The following PRDM16 variants were observed in gnomAD, a reference collection of about 807,000 sequenced individuals.
The protein encoded by PRDM16 is histone-lysine N-methyltransferase PRDM16.
Under a neutral mutation model 110.6 loss-of-function variants are expected in PRDM16, and 23 were observed. The observed-to-expected ratio is 0.21, with a 90% CI of 0.15 to 0.29. The LOEUF (loss-of-function observed/expected upper bound fraction) is 0.29, where lower values mean the gene tolerates loss of function less well. PRDM16 is among the 10% of genes least tolerant of loss of function. The pLI, the probability that PRDM16 is intolerant of heterozygous loss-of-function variation, is 1.00. For synonymous variants in PRDM16, 799 were observed against 781.8 expected (o/e 1.02, Z -0.37); for missense variants, 1,615 against 1,794.3 (o/e 0.90, Z 1.81).
chr1:3,392,872 C>T (rs1363566755), intron 4 of PRDM16, among the ~76,000 whole-genome samples: 3 of 152,130 alleles, frequency 2.0e-5, no homozygotes, highest in East Asian at 1.9e-4. Flanking sequence ...TACAAGAAGC[C>T]GCCTCTTTGT....
At chr1:3,173,715 C>T (rs919650344) in intron 1 of PRDM16, among the ~76,000 whole-genome samples, 3 of 152,230 alleles carry the variant, frequency 2.0e-5, no homozygotes, top group African/African-American at 4.8e-5. Context: ...TGCTTCTCTC[C>T]GAGCTTCAGG....
chr1:3,187,886 G>A (rs533176504), intron 2 of PRDM16, among the ~76,000 whole-genome samples: 28 of 152,322 alleles, frequency 1.8e-4, no homozygotes, highest in African/African-American at 6.5e-4. Context: ...GTCTGCGGCC[G>A]TCAAGCAGGG....
At chr1:3,424,395 C>T (rs923689106) in intron 12 of PRDM16, among the ~76,000 whole-genome samples, 6 of 152,242 alleles carry the variant, frequency 3.9e-5, no homozygotes, top group African/African-American at 1.4e-4. Flanking sequence ...ACCCTCCACA[C>T]GCAGCCCTCC....
intron 3 of PRDM16, among the ~76,000 whole-genome samples, chr1:3,276,300 G>A (rs1294041679): frequency 1.3e-5 from 2 of 152,222 alleles, no homozygotes; most frequent in East Asian, 1.9e-4. Context: ...TTGGGCCCGC[G>A]GTGGGAGTCC....
At chr1:3,200,621 C>T (rs1019856684) in intron 2 of PRDM16, among the ~76,000 whole-genome samples, 2 of 152,238 alleles carry the variant, frequency 1.3e-5, no homozygotes, top group African/African-American at 2.4e-5. Flanking sequence ...GGATTACAGG[C>T]GTGAGCCACC....
chr1:3,290,366 C>T lies in PRDM16; in HGVS notation c.438+46229C>T, dbSNP rs1640945770. Among the ~76,000 whole-genome samples the T allele has an allele frequency of 1.3e-5, 2 of 152,146 alleles. No homozygotes were observed. The highest frequency in any genetic ancestry group is 1.5e-5 in the Non-Finnish European group (1 of 68,028). On this transcript the variant is annotated intron_variant, in intron 3 of 16. Coordinates refer to ENST00000270722, the MANE Select transcript of PRDM16 (RefSeq NM_022114.4). The surrounding 1 kb of genome is among the most constrained non-coding windows in gnomAD (Gnocchi z 4.8). Reference sequence around the variant, plus strand: ...TGGAAGAGGAGAGCCTCTCAGTATCCCCACCTTATAGATGAGGAGGCACAG... The same window carrying T: ...TGGAAGAGGAGAGCCTCTCAGTATCTCCACCTTATAGATGAGGAGGCACAG...
rs535279771 is a variant in PRDM16 at position 3,143,477 on chromosome 1, T to C, written c.38-42648T>C. Among the ~76,000 whole-genome samples, 1 of 152,138 alleles carries C rather than the reference T, an allele frequency of 6.6e-6. No homozygotes were observed. The highest frequency in any genetic ancestry group is 1.5e-5 in the Non-Finnish European group (1 of 68,032). On this transcript the variant is annotated intron_variant, in intron 1 of 16. Transcript: ENST00000270722. The surrounding 1 kb of genome is among the most constrained non-coding windows in gnomAD (Gnocchi z 4.5). ...GACATTTGAAACTTTATTATTAGTA[T>C]TATTATTATCATTTTTGTGAGATGG... is the stretch of plus-strand genomic sequence containing the variant.
At chr1:3,362,769 TC>T (rs1470290546) in intron 3 of PRDM16, among the ~76,000 whole-genome samples, 1 of 151,294 alleles carries the variant, frequency 6.6e-6, no homozygotes, top group Non-Finnish European at 1.5e-5. Flanking sequence ...GATCCTAAAA[TC>T]CCCCCCGTGG....
intron 2 of PRDM16, among the ~76,000 whole-genome samples, chr1:3,202,328 T>A (rs989921092): frequency 6.9e-6 from 1 of 145,268 alleles, no homozygotes; most frequent in Non-Finnish European, 1.5e-5. Context: ...AGCAGGTGCA[T>A]CCTTCATGCT....
chr1:3,099,785 C>A (rs1642490117), intron 1 of PRDM16, among the ~76,000 whole-genome samples: 9 of 152,310 alleles, frequency 5.9e-5, no homozygotes, highest in Admixed American at 5.9e-4. Flanking sequence ...AGAAAACACT[C>A]CCAGCGTCCC....
intron 2 of PRDM16, among the ~76,000 whole-genome samples, chr1:3,195,772 G>C (rs1222139840): frequency 6.6e-6 from 1 of 152,204 alleles, no homozygotes; most frequent in Non-Finnish European, 1.5e-5. Context: ...GTCCCCCAAG[G>C]CTCCCTGTGA....
In PRDM16 at chr1:3,133,423, A is replaced by C. The variant is rs1174030310; in HGVS notation, c.38-52702A>C. 2.6e-5 allele frequency: 4 copies of C among 152,580 alleles called. No homozygotes were observed. In the East Asian group the frequency reaches 7.7e-4, roughly 29 times the overall value. 9.5% of individuals were successfully genotyped at this position (152,580 alleles called of 1,614,324 possible). On this transcript the variant is annotated intron_variant, in intron 1 of 16. Coordinates refer to ENST00000270722, the MANE Select transcript of PRDM16 (RefSeq NM_022114.4). ...CAGAGCCATGGGGCTCGGCCTCCCGAAGCCACAGCCCTGGAACCACCTGGA... is the reference window on the plus strand; with the variant it reads ...CAGAGCCATGGGGCTCGGCCTCCCGCAGCCACAGCCCTGGAACCACCTGGA...
In PRDM16 at chr1:3,434,744, T is replaced by C. The variant is rs1638862128; in HGVS notation, c.*933T>C. 1 of 232,530 alleles carries C rather than the reference T, an allele frequency of 4.3e-6. No individual in the cohort carries two copies. The highest frequency in any genetic ancestry group is 6.1e-5 in the East Asian group (1 of 16,488). The allele number at this position is 232,530 out of a possible 1,614,324, so 14.4% of individuals were successfully genotyped here. Reference sequence around the variant, plus strand: ...GGAAGTCGAGGGCCTGTGGCTTGGATCCGCCATGCAGAGATGTGGCCGGGC... The same window carrying C: ...GGAAGTCGAGGGCCTGTGGCTTGGACCCGCCATGCAGAGATGTGGCCGGGC... On this transcript the variant is annotated 3_prime_UTR_variant, in exon 17 of 17. Transcript: ENST00000270722.
At chr1:3,405,682 C>G (rs751168823) in intron 8 of PRDM16, 34 bp downstream of exon 8, 1 of 1,524,790 alleles carries the variant, frequency 6.6e-7, no homozygotes, top group South Asian at 1.3e-5. Flanking sequence ...GCCTGCCCTC[C>G]GGGTGCGCGG....
At chr1:3,251,218 G>A (rs1022337278) in intron 3 of PRDM16, among the ~76,000 whole-genome samples, 4 of 150,356 alleles carry the variant, frequency 2.7e-5, no homozygotes, top group Non-Finnish European at 5.9e-5. Context: ...CCGGGGCAGC[G>A]CGGCCCTCAG....
chr1:3,084,798 A>T (rs1642112968), intron 1 of PRDM16, among the ~76,000 whole-genome samples: 1 of 152,148 alleles, frequency 6.6e-6, no homozygotes, highest in Non-Finnish European at 1.5e-5. Flanking sequence ...TCCCCCTTGG[A>T]TCACAAACGC....
At chr1:3,195,073 C>T (rs1638430914) in intron 2 of PRDM16, among the ~76,000 whole-genome samples, 2 of 152,214 alleles carry the variant, frequency 1.3e-5, no homozygotes, top group South Asian at 2.1e-4. Flanking sequence ...TCCCGTGGAG[C>T]CAGCACCGGG....
intron 1 of PRDM16, among the ~76,000 whole-genome samples, chr1:3,128,397 T>C (rs1252000125): frequency 1.3e-5 from 2 of 152,230 alleles, no homozygotes; most frequent in Admixed American, 6.5e-5. Context: ...GCTTCTGTCC[T>C]GCCTTTTTCT....
chr1:3,283,101 C>T (rs968083379), intron 3 of PRDM16, among the ~76,000 whole-genome samples: 1 of 152,188 alleles, frequency 6.6e-6, no homozygotes, highest in African/African-American at 2.4e-5. Flanking sequence ...TCACTCTGCC[C>T]CTCCCGACAC....
Sources: allele counts gnomAD v4.1 joint callset (sites outside exome capture counted in the v4.1 genomes callset), GRCh38; gene constraint gnomAD v4.1.1; non-coding constraint Gnocchi (gnomAD v3.1); transcripts MANE v1.5; gene names NCBI Gene and HGNC (gene_info 2026-07-23, HGNC 2026-07-21).